The following SLC5A3 variants were observed in gnomAD, a reference collection of about 807,000 sequenced individuals.
The protein encoded by SLC5A3 is sodium/myo-inositol cotransporter.
In SLC5A3, 10 loss-of-function variants were observed where a neutral mutation model predicts 43.2. The ratio of observed to expected loss-of-function variants is 0.23; its 90% CI spans 0.14 to 0.39. The LOEUF is 0.39. Ranked by LOEUF, SLC5A3 falls within the 10% of genes least tolerant of loss-of-function variation. The probability of loss-of-function intolerance (pLI) is 1.00; values close to 1 mark genes in which losing one functional copy is unlikely to be tolerated. For synonymous variants in SLC5A3, 349 were observed against 322.0 expected, an observed-to-expected ratio of 1.08 and a Z score of -0.90; for missense variants, 608 against 893.4, an observed-to-expected ratio of 0.68 and a Z score of 4.07.
At position 34,095,146 on chromosome 21, in the gene SLC5A3, T is replaced by TA; in HGVS notation, c.-48dup. On this transcript the variant is annotated 5_prime_UTR_variant, in exon 2 of 2. Coordinates refer to ENST00000381151, the MANE Select transcript of SLC5A3 (RefSeq NM_006933.7). ...CTTGGCTGGGGTTACTAAAAATAAATAAAAAGTTGGACACTTCTGTCATTG... is the reference window on the plus strand; with the variant it reads ...CTTGGCTGGGGTTACTAAAAATAAATAAAAAAGTTGGACACTTCTGTCATTG... 3 of 1,521,054 alleles carry TA rather than the reference T, an allele frequency of 2.0e-6. No homozygotes were observed. In the East Asian group the frequency reaches 6.9e-5, roughly 35 times the overall value. 94.2% of individuals were successfully genotyped at this position (1,521,054 alleles called of 1,614,324 possible).
rs567408793 is a variant in SLC5A3 at position 34,074,480 on chromosome 21, G to C, written c.-337+735G>C. Among the ~76,000 whole-genome samples the C allele has an allele frequency of 2.0e-5, 3 of 152,318 alleles. No homozygotes were observed. In the East Asian group the frequency reaches 5.8e-4, roughly 29 times the overall value. The stretch of plus-strand genomic sequence containing the variant: ...CCTGCTTTTGATTGATCTTGAGGTA[G>C]GGGATTTCAGGTTTGGAGGGATGCT... On this transcript the variant is annotated intron_variant, in intron 1 of 1. Transcript: ENST00000381151.
In SLC5A3 at chr21:34,073,652, G is replaced by T. The variant is rs903791161; in HGVS notation, c.-430G>T. 4 of 1,499,412 alleles carry T rather than the reference G, an allele frequency of 2.7e-6. No homozygotes were observed. The highest frequency in any genetic ancestry group is 3.6e-6 in the Non-Finnish European group (4 of 1,111,350). 92.9% of individuals were successfully genotyped at this position (1,499,412 alleles called of 1,614,324 possible). ...TGTCCCCGCCGTCCCGCCCCTTCGC[G>T]TCCCGGGAACCGGCTGGCTTCCGAG... On this transcript the variant is annotated 5_prime_UTR_variant, in exon 1 of 2. Coordinates refer to ENST00000381151, the MANE Select transcript of SLC5A3 (RefSeq NM_006933.7).
chr21:34,092,496 G>C (rs5000990), intron 1 of SLC5A3, among the ~76,000 whole-genome samples: 152,296 of 152,296 alleles, frequency 1, 76,148 homozygotes, highest in Non-Finnish European at 1. Flanking sequence ...GTACTATTTG[G>C]TACCTCTCCT....
intron 1 of SLC5A3, among the ~76,000 whole-genome samples, chr21:34,092,722 A>G (rs1303374043): frequency 2.0e-5 from 3 of 152,216 alleles, no homozygotes; most frequent in Non-Finnish European, 2.9e-5. Context: ...TCTCTGAACA[A>G]ATAAGCTGCA....
chr21:34,081,851 A>G (rs1381431147), intron 1 of SLC5A3, among the ~76,000 whole-genome samples: 3 of 152,170 alleles, frequency 2.0e-5, no homozygotes, highest in African/African-American at 7.2e-5. Context: ...AACTTATTAT[A>G]TCTAAGTTTA....
rs765443139 is a variant in SLC5A3 at position 34,095,688 on chromosome 21, C to G, written c.490C>G (p.Leu164Val). 5 of 1,613,826 alleles carry G rather than the reference C, an allele frequency of 3.1e-6. No individual in the cohort carries two copies. In the Admixed American group the frequency reaches 8.3e-5, roughly 27 times the overall value. Residue 164 changes from leucine (L) to valine (V), a missense_variant, in exon 2 of 2, where the codon CTG (leucine) becomes GTG (valine). By Grantham distance (32) the Leu-to-Val change is conservative (BLOSUM62 1). Transcript: ENST00000381151. Reference protein sequence around the residue: ...LGWNLYVSVILLIGMTALLTV... With the variant: ...LGWNLYVSVIVLIGMTALLTV... Reference sequence around the variant, plus strand: ...TTGGAATCTTTATGTGTCTGTCATCCTGCTCATTGGCATGACTGCTTTGCT... The same window carrying G: ...TTGGAATCTTTATGTGTCTGTCATCGTGCTCATTGGCATGACTGCTTTGCT...
rs893118113 is a variant in SLC5A3 at position 34,095,343 on chromosome 21, G to C, written c.145G>C (p.Val49Leu). 3 of 1,614,014 alleles carry C rather than the reference G, an allele frequency of 1.9e-6. No individual in the cohort carries two copies. The highest frequency in any genetic ancestry group is 2.7e-5 in the African/African-American group (2 of 74,908). ...YFLAGRSMTWVAIGASLFVSN... is the reference protein window; with the variant it reads ...YFLAGRSMTWLAIGASLFVSN... ...CCTGGCGGGGCGCTCTATGACCTGG[G>C]TAGCAATTGGTGCCTCTCTGTTTGT... is the stretch of plus-strand genomic sequence containing the variant. The change falls in exon 2 of 2, where the codon GTA (valine) becomes CTA (leucine). Residue 49 changes from valine to leucine, a missense_variant. By Grantham distance (32) the Val-to-Leu change is conservative. Around this residue, in one of 2 missense-constraint regions of SLC5A3, gnomAD observed 398 missense variants for 668.6 expected, o/e 0.60. Transcript: ENST00000381151.
intron 1 of SLC5A3, among the ~76,000 whole-genome samples, chr21:34,088,456 C>G (rs951046503): frequency 6.6e-6 from 1 of 152,340 alleles, no homozygotes; most frequent in East Asian, 1.9e-4. Context: ...TTCACATGAT[C>G]ACACAAAGAT....
rs79607614 is a variant in SLC5A3, at chr21:34,073,836, C to T, written c.-337+91C>T. On this transcript the variant is annotated intron_variant, in intron 1 of 1. Coordinates refer to ENST00000381151, the MANE Select transcript of SLC5A3 (RefSeq NM_006933.7). ...CCCCCGCGCGCCCTGGCCGCGGGAC[C>T]CCGGGCCTTCCTGCACTCCTCGGAG... is the stretch of plus-strand genomic sequence containing the variant. The T allele has an allele frequency of 1.6e-5, 15 of 935,304 alleles. 1 individual carries two copies. The Admixed American group carries it at 6.5e-4, about 41-fold the overall frequency. The allele number at this position is 935,304 out of a possible 1,614,324, so 57.9% of individuals were successfully genotyped here.
In SLC5A3 at chr21:34,095,072, GA is replaced by G. The variant is rs1217703262; in HGVS notation, c.-126del. 7.5e-6 allele frequency: 8 copies of G among 1,066,078 alleles called. No homozygotes were observed. The African/African-American group carries it at 1.2e-4, about 17-fold the overall frequency. The allele number at this position is 1,066,078 out of a possible 1,614,324, so 66.0% of individuals were successfully genotyped here. A position where few individuals can be genotyped will look rare whatever the true frequency, so the allele number is the denominator to read the frequency against. ...CAGCAAACCAAAGGACAAAGACTTTGACCCTGCTGTGTTGCTCTGTGTAGTC... is the reference window on the plus strand; with the variant it reads ...CAGCAAACCAAAGGACAAAGACTTTGCCCTGCTGTGTTGCTCTGTGTAGTC... On this transcript the variant is annotated 5_prime_UTR_variant, in exon 2 of 2. Transcript: ENST00000381151.
chr21:34,095,863 C>T lies in SLC5A3; in HGVS notation c.665C>T (p.Pro222Leu). Residue 222 changes from proline to leucine, a missense_variant, in exon 2 of 2, where the codon CCC becomes CTC. Transcript: ENST00000381151. ...AAGAGAAGGTACATGTTGGCCTCAC[C>T]CGATGTCACTTCCATCTTATTGACA... ...EVKRRYMLAS[P>L]DVTSILLTYN... The T allele has an allele frequency of 1.9e-6, 3 of 1,614,018 alleles. No homozygotes were observed. The highest frequency in any genetic ancestry group is 2.5e-6 in the Non-Finnish European group (3 of 1,179,968).
In SLC5A3 at chr21:34,105,131, G is replaced by C; in HGVS notation, c.*7776G>C. ...CATACTCCATTAGTGTCAGATGATGGTATGGAATTTGTTCCCTTGCTTTCC... is the reference window on the plus strand; with the variant it reads ...CATACTCCATTAGTGTCAGATGATGCTATGGAATTTGTTCCCTTGCTTTCC... On this transcript the variant is annotated 3_prime_UTR_variant, in exon 2 of 2. Transcript: ENST00000381151. The C allele has an allele frequency of 1.0e-6, 1 of 1,000,140 alleles. No individual in the cohort carries two copies. The highest frequency in any genetic ancestry group is 1.7e-5 in the African/African-American group (1 of 57,320). 62.0% of individuals were successfully genotyped at this position (1,000,140 alleles called of 1,614,324 possible).
rs550214359 is a variant in SLC5A3, at chr21:34,100,355, T to A, written c.*3000T>A. ...TTTCCCTGGTCATCTTTCAGAATAT[T>A]CTGTTCTGCCACCCCCAGAGAGTAA... On this transcript the variant is annotated 3_prime_UTR_variant, in exon 2 of 2. Coordinates refer to ENST00000381151, the MANE Select transcript of SLC5A3 (RefSeq NM_006933.7). 1.0e-6 allele frequency: 1 copy of A among 1,000,252 alleles called. No individual in the cohort carries two copies. The highest frequency in any genetic ancestry group is 1.1e-4 in the East Asian group (1 of 8,818). The allele number at this position is 1,000,252 out of a possible 1,614,324, so 62.0% of individuals were successfully genotyped here.
At position 34,097,010 on chromosome 21, in the gene SLC5A3, T is replaced by G; in HGVS notation, c.1812T>G (p.Asn604Lys). ...SIKGLQPEDV[N>K]LLVTCREEGN... ...AGGGCCTTCAGCCTGAAGATGTTAA[T>G]CTGTTGGTAACCTGCAGAGAGGAGG... The change falls in exon 2 of 2, where the codon AAT becomes AAG. Residue 604 changes from asparagine (N) to lysine (K), a missense_variant. Around this residue, in one of 2 missense-constraint regions of SLC5A3, gnomAD observed 210 missense variants for 224.8 expected, o/e 0.93. Transcript: ENST00000381151. 6.2e-7 allele frequency: 1 copy of G among 1,614,084 alleles called. No homozygotes were observed. Among genetic ancestry groups the G allele is most frequent in the Non-Finnish European group, 8.5e-7 (1 of 1,179,976 alleles).
At position 34,104,597 on chromosome 21, in the gene SLC5A3, TA is replaced by T; in HGVS notation, c.*7244del. 1 of 1,000,112 alleles carries T rather than the reference TA, an allele frequency of 1.0e-6. No homozygotes were observed. The allele number at this position is 1,000,112 out of a possible 1,614,324, so 62.0% of individuals were successfully genotyped here. A position where few individuals can be genotyped will look rare whatever the true frequency, so the allele number is the denominator to read the frequency against. On this transcript the variant is annotated 3_prime_UTR_variant, in exon 2 of 2. Transcript: ENST00000381151. ...CTAATATGAGATGTTTTAGAAGAGT[TA>T]ACCTGAACACTTTGAGGGAGAGATT... is the stretch of plus-strand genomic sequence containing the variant.
chr21:34,098,360 C>T lies in SLC5A3; in HGVS notation c.*1005C>T. ...GAAAAATTGACGCTGCCTTTGTGTG[C>T]TGGATTGCTCTACTTGATTAGATCA... On this transcript the variant is annotated 3_prime_UTR_variant, in exon 2 of 2. Transcript: ENST00000381151. The T allele has an allele frequency of 1.0e-6, 1 of 1,000,192 alleles. No homozygotes were observed. The highest frequency in any genetic ancestry group is 1.2e-6 in the Non-Finnish European group (1 of 829,976). The allele number at this position is 1,000,192 out of a possible 1,614,324, so 62.0% of individuals were successfully genotyped here. A position where few individuals can be genotyped will look rare whatever the true frequency, so the allele number is the denominator to read the frequency against.
chr21:34,079,633 T>A (rs1236840759), intron 1 of SLC5A3, among the ~76,000 whole-genome samples: 12 of 72,576 alleles, frequency 1.7e-4, no homozygotes, highest in Middle Eastern at 9.3e-3. Context: ...TTTTTTTTTT[T>A]AGTAGAGATG....
In SLC5A3 at chr21:34,100,594, C is replaced by G; in HGVS notation, c.*3239C>G. The G allele has an allele frequency of 1.0e-6, 1 of 1,000,212 alleles. No individual in the cohort carries two copies. Among genetic ancestry groups the G allele is most frequent in the Non-Finnish European group, 1.2e-6 (1 of 829,994 alleles). 62.0% of individuals were successfully genotyped at this position (1,000,212 alleles called of 1,614,324 possible). On this transcript the variant is annotated 3_prime_UTR_variant, in exon 2 of 2. Transcript: ENST00000381151. ...CCTGGCCAGGGTCATGTAGCCATAGCTCTTAGGGATGATACCTCAAGAAAT... is the reference window on the plus strand; with the variant it reads ...CCTGGCCAGGGTCATGTAGCCATAGGTCTTAGGGATGATACCTCAAGAAAT...
chr21:34,095,779 T>C lies in SLC5A3; in HGVS notation c.581T>C (p.Ile194Thr), dbSNP rs772454611. 1.2e-5 allele frequency: 19 copies of C among 1,613,910 alleles called. No homozygotes were observed. The highest frequency in any genetic ancestry group is 2.2e-5 in the East Asian group (1 of 44,894). Residue 194 changes from isoleucine (I) to threonine (T), a missense_variant, in exon 2 of 2, where the codon ATT (isoleucine) becomes ACT (threonine). Coordinates refer to ENST00000381151, the MANE Select transcript of SLC5A3 (RefSeq NM_006933.7). The stretch of plus-strand genomic sequence containing the variant: ...ACTCTGCAGGCTCTGCTCATGATCA[T>C]TGGGGCACTTACACTTATGATTATT... ...TDTLQALLMIIGALTLMIISI... is the reference protein window; with the variant it reads ...TDTLQALLMITGALTLMIISI...
Sources: allele counts gnomAD v4.1 joint callset (sites outside exome capture counted in the v4.1 genomes callset), GRCh38; gene constraint gnomAD v4.1.1; regional missense constraint gnomAD v4.1.1; transcripts MANE v1.5; gene names NCBI Gene and HGNC (gene_info 2026-07-23, HGNC 2026-07-21).